Variants in FTO observed in about 807,000 individuals in gnomAD.
FTO encodes the protein alpha-ketoglutarate-dependent dioxygenase FTO.
Under a neutral mutation model 63.9 loss-of-function variants are expected in FTO, and 47 were observed. That is an observed-to-expected ratio of 0.74 (90% CI 0.58 to 0.94). FTO has a LOEUF of 0.94. Among genes scored for constraint, FTO ranks in the 40% least tolerant of loss-of-function variants. The pLI is 0.00. For synonymous variants in FTO, 207 were observed against 224.4 expected (o/e 0.92, Z 0.69); for missense variants, 562 against 618.1 (o/e 0.91, Z 0.96).
At chr16:53,924,579 T>C (rs1567442268) in intron 7 of FTO, among the ~76,000 whole-genome samples, 1 of 150,032 alleles carries the variant, frequency 6.7e-6, no homozygotes, top group Non-Finnish European at 1.5e-5. Flanking sequence ...GTTTATCTCC[T>C]GCTTTCCTGG....
chr16:53,914,255 T>G (rs1438852278), intron 7 of FTO, among the ~76,000 whole-genome samples: 1 of 145,190 alleles, frequency 6.9e-6, no homozygotes, highest in African/African-American at 2.7e-5. Context: ...CTTTCTTTCT[T>G]TTTTCTTTTT....
intron 7 of FTO, among the ~76,000 whole-genome samples, chr16:53,916,846 C>T (rs151250423): frequency 6.6e-6 from 1 of 152,314 alleles, no homozygotes; most frequent in East Asian, 1.9e-4. Context: ...TAGGGAGAAT[C>T]TCTGGGATAT....
intron 1 of FTO, among the ~76,000 whole-genome samples, chr16:53,705,415 A>T (rs2075579753): frequency 6.6e-6 from 1 of 151,968 alleles, no homozygotes; most frequent in South Asian, 2.1e-4. Flanking sequence ...CTTAAAAGTC[A>T]CTCTTCACTA....
intron 8 of FTO, among the ~76,000 whole-genome samples, chr16:54,008,084 C>T (rs1262462065): frequency 6.6e-6 from 1 of 152,176 alleles, no homozygotes; most frequent in Non-Finnish European, 1.5e-5. Flanking sequence ...GCCACCTGCT[C>T]CTTTACAAGT....
At chr16:53,831,399 A>G (rs1380600893) in intron 3 of FTO, among the ~76,000 whole-genome samples, 1 of 152,132 alleles carries the variant, frequency 6.6e-6, no homozygotes, top group Non-Finnish European at 1.5e-5. Flanking sequence ...CCAGTTATTT[A>G]TTCATCTAAC....
At chr16:53,920,139 G>C (rs1231034464) in intron 7 of FTO, among the ~76,000 whole-genome samples, 3 of 152,156 alleles carry the variant, frequency 2.0e-5, no homozygotes, top group Non-Finnish European at 4.4e-5. Flanking sequence ...GGAGAAAAAG[G>C]AGCTAACACT....
intron 4 of FTO, among the ~76,000 whole-genome samples, chr16:53,859,045 C>G (rs936496554): frequency 6.6e-6 from 1 of 152,152 alleles, no homozygotes; most frequent in African/African-American, 2.4e-5. Flanking sequence ...AGTTGTAACT[C>G]TTCCCAGGAG....
Position 53,735,863 on chromosome 16 carries a change from G to A in FTO, c.45+31634G>A, listed in dbSNP as rs146398383. On this transcript the variant is annotated intron_variant, in intron 1 of 8. Coordinates refer to ENST00000471389, the MANE Select transcript of FTO (RefSeq NM_001080432.3). ...AATCTTGGGGTCATCCTTCCTTTCT[G>A]TCACCTTCTATCTTCAGTCACCAAG... Among the ~76,000 whole-genome samples, 224 of 152,180 alleles carry A rather than the reference G, an allele frequency of 1.5e-3. 1 individual carries two copies. Among genetic ancestry groups the A allele is most frequent in the African/African-American group, 5.0e-3 (206 of 41,520 alleles).
chr16:54,017,302 G>A (rs1431844847), intron 8 of FTO, among the ~76,000 whole-genome samples: 1 of 152,152 alleles, frequency 6.6e-6, no homozygotes, highest in East Asian at 1.9e-4. Flanking sequence ...AAGAAATTGG[G>A]CAGTCATTAA....
intron 7 of FTO, among the ~76,000 whole-genome samples, chr16:53,913,607 G>C (rs138492935): frequency 6.6e-6 from 1 of 152,062 alleles, no homozygotes. Context: ...GTTTCACCTC[G>C]CTATGACTTC....
chr16:53,952,004 GATC>G (rs1331021971), intron 8 of FTO, among the ~76,000 whole-genome samples: 5 of 152,184 alleles, frequency 3.3e-5, no homozygotes, highest in East Asian at 3.9e-4. Context: ...AGAAGATGCT[GATC>G]ATCATCATCA....
At chr16:53,739,032 G>A (rs1422284831) in intron 1 of FTO, among the ~76,000 whole-genome samples, 1 of 152,078 alleles carries the variant, frequency 6.6e-6, no homozygotes, top group Middle Eastern at 3.4e-3. Flanking sequence ...CCCATATGTT[G>A]CCCAAACTGG....
At chr16:53,887,812 G>A (rs993361975) in intron 6 of FTO, 3 of 152,114 alleles carry the variant, frequency 2.0e-5, no homozygotes, top group African/African-American at 4.8e-5. Flanking sequence ...CCTGCCCTGA[G>A]TTGACAAGTG....
chr16:54,094,557 AAAG>A (rs1438036168), intron 8 of FTO, among the ~76,000 whole-genome samples: 2 of 152,212 alleles, frequency 1.3e-5, no homozygotes, highest in Non-Finnish European at 2.9e-5. Context: ...CCAAAAAGAA[AAAG>A]AACAGCATAA....
intron 8 of FTO, among the ~76,000 whole-genome samples, chr16:54,015,756 G>A (rs757945071): frequency 6.6e-5 from 10 of 152,242 alleles, no homozygotes; most frequent in South Asian, 2.1e-4. Context: ...TGTGAAGCGC[G>A]GGTACTTTAT....
In FTO at chr16:53,773,097, T is replaced by A. The variant is rs184994527; in HGVS notation, c.46-37043T>A. 3.9e-3 allele frequency among the ~76,000 whole-genome samples: 593 copies of A among 152,114 alleles called. 3 individuals are homozygous for A. The highest frequency in any genetic ancestry group is 0.017 in the Middle Eastern group (5 of 294). On this transcript the variant is annotated intron_variant, in intron 1 of 8. Coordinates refer to ENST00000471389, the MANE Select transcript of FTO (RefSeq NM_001080432.3). ...GGGCCTTTGATTTATTTATTTATTT[T>A]TTTTTTTGAGGAGTTCATATTGCGA...
At chr16:53,980,438 C>T (rs1348506167) in intron 8 of FTO, among the ~76,000 whole-genome samples, 3 of 152,256 alleles carry the variant, frequency 2.0e-5, no homozygotes, top group Middle Eastern at 3.4e-3. Context: ...GAAGCTGACA[C>T]GTGGGGAGGG....
chr16:54,093,734 C>T (rs1424301502), intron 8 of FTO, among the ~76,000 whole-genome samples: 1 of 152,140 alleles, frequency 6.6e-6, no homozygotes, highest in Non-Finnish European at 1.5e-5. Context: ...ATCTGGGATC[C>T]GCAGTGAGGG....
At chr16:53,717,144 A>C (rs1014240687) in intron 1 of FTO, among the ~76,000 whole-genome samples, 1 of 151,966 alleles carries the variant, frequency 6.6e-6, no homozygotes, top group African/African-American at 2.4e-5. Context: ...AATGTTTCAT[A>C]GGGTAAATTA....
Sources: gnomAD v4.1 joint callset for allele counts (sites outside exome capture counted in the v4.1 genomes callset) on GRCh38, gnomAD v4.1.1 for gene constraint, MANE v1.5 for transcripts, NCBI Gene and HGNC (gene_info 2026-07-23, HGNC 2026-07-21) for gene names.